Variants in PAX6 observed in about 807,000 individuals in gnomAD.
PAX6 encodes paired box 6.
A neutral mutation model predicts 60.7 loss-of-function variants in PAX6; 7 were observed. That is an observed-to-expected ratio of 0.12 (90% CI 0.07 to 0.22). The LOEUF (loss-of-function observed/expected upper bound fraction) is 0.22. Ranked by LOEUF, PAX6 falls within the 10% of genes least tolerant of loss-of-function variation. The pLI is 1.00. For missense variants in PAX6, 355 were observed against 555.2 expected, an observed-to-expected ratio of 0.64 and a Z score of 3.62; for synonymous variants, 208 against 201.2, an observed-to-expected ratio of 1.03 and a Z score of -0.29.
chr11:31,802,134 C>T (rs1954148254), intron 5 of PAX6: 1 of 563,180 alleles, frequency 1.8e-6, no homozygotes. Flanking sequence ...TTTGTGCTGA[C>T]CTTGCTTAAA....
intron 5 of PAX6, chr11:31,802,249 A>C (rs1954231849): frequency 5.5e-6 from 2 of 361,286 alleles, no homozygotes; most frequent in South Asian, 6.7e-5. Context: ...GGGAGGAGTA[A>C]ATAGCATTTG....
intron 2 of PAX6, 87 bp downstream of exon 2, chr11:31,810,741 A>G: frequency 2.5e-6 from 1 of 397,744 alleles, no homozygotes; most frequent in Non-Finnish European, 4.4e-6. Flanking sequence ...GGGACCGGCG[A>G]GAGGGGAGGA....
intron 13 of PAX6, 34 bp downstream of exon 13, chr11:31,790,676 G>T: frequency 6.2e-7 from 1 of 1,613,428 alleles, no homozygotes. Flanking sequence ...AAGAGAGATC[G>T]CCTCTGTGCA....
At chr11:31,800,963 A>C in intron 7 of PAX6, 107 bp from the exon 8 acceptor site, 1 of 1,188,094 alleles carries the variant, frequency 8.4e-7, no homozygotes, top group Non-Finnish European at 1.2e-6. Context: ...CCCGTTAAAA[A>C]GCTCCCAGCC....
chr11:31,790,852 G>A lies in PAX6; in HGVS notation c.1083C>T (p.Val361=), dbSNP rs1949688865. The change falls in exon 13 of 14, where the codon GTC becomes GTT. Residue 361 remains valine, a synonymous_variant. Transcript: ENST00000640368. ...MANNLPMQPP[V]PSQTSSYSCM... is the part of the protein sequence containing the mutation. ...AGGAGTATGAGGAGGTCTGGCTGGG[G>A]ACTGGGGGCTGTGAGGAGAGAGGCA... 3 of 1,614,062 alleles carry A rather than the reference G, an allele frequency of 1.9e-6. No homozygotes were observed. Among genetic ancestry groups the A allele is most frequent in the South Asian group, 1.1e-5 (1 of 91,060 alleles).
In PAX6 at chr11:31,789,096, A is replaced by T. The variant is rs971689314; in HGVS notation, c.*838T>A. On this transcript the variant is annotated 3_prime_UTR_variant, in exon 14 of 14. Coordinates refer to ENST00000640368, the MANE Select transcript of PAX6 (RefSeq NM_001368894.2). ...AGATGCACAAAATGATTGGACCGTG[A>T]ACAGTAATACAACTATATCTAAGAA... 2.5e-5 allele frequency: 5 copies of T among 202,448 alleles called. No homozygotes were observed. The highest frequency in any genetic ancestry group is 1.1e-4 in the African/African-American group (5 of 43,668). 12.5% of individuals were successfully genotyped at this position (202,448 alleles called of 1,614,324 possible). A position where few individuals can be genotyped will look rare whatever the true frequency, so the allele number is the denominator to read the frequency against.
intron 4 of PAX6, chr11:31,803,579 C>T (rs973117841): frequency 3.3e-5 from 5 of 152,364 alleles, no homozygotes; most frequent in African/African-American, 9.7e-5. Context: ...TCCAGGTTTC[C>T]GCACCTCCAG....
At chr11:31,817,053 G>A (rs1957415554) in intron 1 of PAX6, among the ~76,000 whole-genome samples, 1 of 152,258 alleles carries the variant, frequency 6.6e-6, no homozygotes, top group Non-Finnish European at 1.5e-5. Flanking sequence ...GGTGGTGGGC[G>A]CTTCTCTTTC....
intron 8 of PAX6, among the ~76,000 whole-genome samples, chr11:31,795,197 C>T (rs1951141309): frequency 6.6e-6 from 1 of 152,194 alleles, no homozygotes; most frequent in Non-Finnish European, 1.5e-5. Context: ...ATCAGTAATT[C>T]CTATCTAATC....
chr11:31,808,686 T>A (rs1956408041), intron 2 of PAX6: 1 of 151,782 alleles, frequency 6.6e-6, no homozygotes, highest in Non-Finnish European at 1.5e-5. Context: ...CCTCGTTGAT[T>A]AGTTTTCGAA....
At chr11:31,790,310 G>T (rs1190267549) in intron 13 of PAX6, 4 of 622,948 alleles carry the variant, frequency 6.4e-6, no homozygotes, top group Non-Finnish European at 9.5e-6. Context: ...TTACAATAAA[G>T]CTGTCTCTGG....
rs1194880632 is a variant in PAX6, at chr11:31,800,848, T to G, written c.408A>C (p.Ser136=). The change falls in exon 8 of 14, where the codon TCA becomes TCC. Residue 136 remains serine, a synonymous_variant. Transcript: ENST00000640368. ...CTNDNIPSVS[S]INRVLRNLAS... ...CCAGGTTGCGAAGAACTCTGTTTATTGATGACACCTGCAAATCAAACCAAA... is the reference window on the plus strand; with the variant it reads ...CCAGGTTGCGAAGAACTCTGTTTATGGATGACACCTGCAAATCAAACCAAA... The G allele has an allele frequency of 1.2e-6, 2 of 1,614,166 alleles. No individual in the cohort carries two copies. Among genetic ancestry groups the G allele is most frequent in the South Asian group, 2.2e-5 (2 of 91,080 alleles).
At chr11:31,812,325 T>G (rs1340327378), upstream of PAX6, 5 of 155,556 alleles carry the variant, frequency 3.2e-5, no homozygotes, top group African/African-American at 1.2e-4. Context: ...TGTGTGTGTG[T>G]GTGTGTGTGT....
rs553690261 is a variant in PAX6 at position 31,789,572 on chromosome 11, CT to C, written c.*361del. 37 of 598,798 alleles carry C rather than the reference CT, an allele frequency of 6.2e-5. No homozygotes were observed. Among genetic ancestry groups the C allele is most frequent in the South Asian group, 1.7e-4 (8 of 47,536 alleles). The allele number at this position is 598,798 out of a possible 1,614,324, so 37.1% of individuals were successfully genotyped here. A position where few individuals can be genotyped will look rare whatever the true frequency, so the allele number is the denominator to read the frequency against. On this transcript the variant is annotated 3_prime_UTR_variant, in exon 14 of 14. Coordinates refer to ENST00000640368, the MANE Select transcript of PAX6 (RefSeq NM_001368894.2). ...GGCAAAGCTTGTTGATCATGGTTTTCTTTTTAAAAAAAAAAAAAACAACTTC... is the reference window on the plus strand; with the variant it reads ...GGCAAAGCTTGTTGATCATGGTTTTCTTTTAAAAAAAAAAAAAACAACTTC...
upstream of PAX6, chr11:31,816,239 AAAAT>A: frequency 4.5e-6 from 1 of 224,578 alleles, no homozygotes; most frequent in Non-Finnish European, 8.6e-6. Flanking sequence ...TTCCAATTCT[AAAAT>A]AAATAAATAA....
chr11:31,806,292 G>A lies in PAX6; in HGVS notation c.10+110C>T, dbSNP rs1955781873. On this transcript the variant is annotated intron_variant, in intron 4 of 13. Coordinates refer to ENST00000640368, the MANE Select transcript of PAX6 (RefSeq NM_001368894.2). ...AGCCGCCGCAGGTCCCCGGGCCTCA[G>A]TCGGTCGGCGGCCGGGCCAGCGCGG... 2.8e-5 allele frequency: 38 copies of A among 1,346,008 alleles called. No homozygotes were observed. The South Asian group carries it at 5.0e-4, about 18-fold the overall frequency. The allele number at this position is 1,346,008 out of a possible 1,614,324, so 83.4% of individuals were successfully genotyped here.
intron 1 of PAX6, chr11:31,816,773 A>G (rs929609011): frequency 1.3e-5 from 8 of 627,652 alleles, no homozygotes; most frequent in South Asian, 9.2e-5. Context: ...AGGTGCTCCC[A>G]GAAGACCTAG....
At chr11:31,813,286 C>T (rs1818965223), upstream of PAX6, among the ~76,000 whole-genome samples, 1 of 150,940 alleles carries the variant, frequency 6.6e-6, no homozygotes, top group Admixed American at 6.6e-5. Context: ...CAGCGAAAGT[C>T]GGCTTTCTCT....
At chr11:31,813,259 G>C (rs1170130375), upstream of PAX6, 1 of 152,030 alleles carries the variant, frequency 6.6e-6, no homozygotes, top group African/African-American at 2.4e-5. Context: ...GTGGGGCCGC[G>C]GCCCTGAGTC....
Sources: allele counts gnomAD v4.1 joint callset (sites outside exome capture counted in the v4.1 genomes callset), GRCh38; gene constraint gnomAD v4.1.1; transcripts MANE v1.5; gene names NCBI Gene and HGNC (gene_info 2026-07-23, HGNC 2026-07-21).